SCAMP2: variants seen among roughly 807,000 people sequenced by gnomAD.
SCAMP2 encodes secretory carrier membrane protein 2.
A neutral mutation model predicts 44.1 loss-of-function variants in SCAMP2; 25 were observed. The ratio of observed to expected loss-of-function variants is 0.57; its 90% CI spans 0.41 to 0.79. SCAMP2 has a LOEUF of 0.79. Ranked by LOEUF, SCAMP2 falls within the 30% of genes least tolerant of loss-of-function variation. The pLI is 0.00. For missense variants in SCAMP2, 355 were observed against 411.0 expected, an observed-to-expected ratio of 0.86 and a Z score of 1.18; for synonymous variants, 156 against 166.0, an observed-to-expected ratio of 0.94 and a Z score of 0.46.
chr15:74,853,385 T>C (rs1466385528), intron 3 of SCAMP2: 1 of 456,358 alleles, frequency 2.2e-6, no homozygotes, highest in Non-Finnish European at 4.4e-6. Context: ...AGCTTTCGCA[T>C]GTAGCTGTCT....
chr15:74,862,631 A>G (rs1333230090), intron 1 of SCAMP2, among the ~76,000 whole-genome samples: 1 of 151,534 alleles, frequency 6.6e-6, no homozygotes, highest in African/African-American at 2.4e-5. Flanking sequence ...AATATGGAAG[A>G]CTTATTTTCT....
At chr15:74,852,921 C>T (rs2064444693) in intron 3 of SCAMP2, 1 of 156,478 alleles carries the variant, frequency 6.4e-6, no homozygotes. Flanking sequence ...CGGGGCCCTG[C>T]ACCTGCTGGC....
chr15:74,863,296 G>A (rs1280512086), intron 1 of SCAMP2, among the ~76,000 whole-genome samples: 3 of 150,636 alleles, frequency 2.0e-5, no homozygotes, highest in African/African-American at 7.3e-5. Flanking sequence ...GCAGTGAGTC[G>A]AGATCACTCC....
chr15:74,846,060 A>T (rs1027257357), intron 7 of SCAMP2, among the ~76,000 whole-genome samples: 1 of 152,182 alleles, frequency 6.6e-6, no homozygotes, highest in Non-Finnish European at 1.5e-5. Flanking sequence ...AGGAAGGCAG[A>T]TCACTTGAGG....
intron 6 of SCAMP2, 120 bp downstream of exon 6, chr15:74,850,394 G>C (rs2064427348): frequency 1.3e-5 from 13 of 974,888 alleles, no homozygotes; most frequent in Non-Finnish European, 2.0e-5. Flanking sequence ...TAGGGAAAGT[G>C]GATTTCCCTA....
intron 1 of SCAMP2, chr15:74,872,939 T>TC: frequency 2.3e-6 from 1 of 437,590 alleles, no homozygotes; most frequent in South Asian, 4.6e-5. Flanking sequence ...CCAGTCCCCT[T>TC]CCCTAGCACA....
Position 74,853,092 on chromosome 15 carries a change from C to G in SCAMP2, c.226-906G>C, listed in dbSNP as rs575780052. The G allele has an allele frequency of 8.7e-4, 256 of 293,354 alleles. 2 individuals are homozygous for G. Among genetic ancestry groups the G allele is most frequent in the Non-Finnish European group, 1.2e-3 (173 of 144,898 alleles). 18.2% of individuals were successfully genotyped at this position (293,354 alleles called of 1,614,324 possible). ...ACCTCTCCAAAAGCTCTTCAAAGAC[C>G]TAAGGCTGACGTGGAGAGCCAAGTT... On this transcript the variant is annotated intron_variant, in intron 3 of 8. Transcript: ENST00000268099.
intron 1 of SCAMP2, among the ~76,000 whole-genome samples, chr15:74,866,045 G>GGAAAA (rs1371586588): frequency 7.2e-6 from 1 of 139,852 alleles, no homozygotes. Context: ...GGGGAGGGGA[G>GGAAAA]GAAAAGAAAA....
intron 4 of SCAMP2, 144 bp from the exon 5 acceptor site, chr15:74,851,625 T>C: frequency 2.0e-6 from 2 of 990,008 alleles, no homozygotes; most frequent in Non-Finnish European, 1.5e-6. Flanking sequence ...GCATGGAGCA[T>C]GGAGTGGGAC....
intron 1 of SCAMP2, among the ~76,000 whole-genome samples, chr15:74,867,680 G>A (rs554631864): frequency 1.6e-4 from 25 of 152,318 alleles, no homozygotes; most frequent in Admixed American, 1.3e-3. Flanking sequence ...CCCAAATCAC[G>A]TTTCTGCCAC....
intron 1 of SCAMP2, among the ~76,000 whole-genome samples, chr15:74,869,333 TA>T (rs1226901025): frequency 6.6e-6 from 1 of 151,204 alleles, no homozygotes; most frequent in African/African-American, 2.4e-5. Flanking sequence ...TAATAAAAAA[TA>T]AAAAAATTAA....
rs1567248088 is a variant in SCAMP2, at chr15:74,846,140, C to T, written c.735-547G>A. Among the ~76,000 whole-genome samples, 7 of 152,026 alleles carry T rather than the reference C, an allele frequency of 4.6e-5. No homozygotes were observed. The East Asian group carries it at 7.7e-4, about 17-fold the overall frequency. On this transcript the variant is annotated intron_variant, in intron 7 of 8. Transcript: ENST00000268099. Reference sequence around the variant, plus strand: ...CTACTAAAAATACAAAAATTAGCTGCGCGTGGTTGCACACGCCTGCAATCC... The same window carrying T: ...CTACTAAAAATACAAAAATTAGCTGTGCGTGGTTGCACACGCCTGCAATCC...
chr15:74,854,198 G>A (rs2064453637), intron 2 of SCAMP2, 79 bp from the exon 3 acceptor site: 1 of 1,250,984 alleles, frequency 8.0e-7, no homozygotes, highest in East Asian at 2.3e-5. Flanking sequence ...ACAGCAGGAT[G>A]AGTGATGTGC....
At chr15:74,854,975 T>A (rs1414493359) in intron 1 of SCAMP2, among the ~76,000 whole-genome samples, 1 of 127,910 alleles carries the variant, frequency 7.8e-6, no homozygotes, top group East Asian at 2.0e-4. Flanking sequence ...AGGGAGTGGG[T>A]TTTTTTTTTT....
chr15:74,868,146 A>G (rs2064554561), intron 1 of SCAMP2, among the ~76,000 whole-genome samples: 1 of 152,252 alleles, frequency 6.6e-6, no homozygotes. Context: ...GTGCCAGTGG[A>G]GGCTGTGAAA....
chr15:74,854,559 G>C, intron 2 of SCAMP2, 22 bp downstream of exon 2: 7 of 1,581,620 alleles, frequency 4.4e-6, no homozygotes, highest in Non-Finnish European at 6.0e-6. Context: ...ATGGGACTTG[G>C]AAAGAGGGCC....
At chr15:74,869,653 C>T (rs1238055379) in intron 1 of SCAMP2, among the ~76,000 whole-genome samples, 1 of 152,170 alleles carries the variant, frequency 6.6e-6, no homozygotes, top group Non-Finnish European at 1.5e-5. Context: ...TCTTGGTTTC[C>T]TCATCTCTAA....
chr15:74,853,368 C>T (rs1225782778), intron 3 of SCAMP2: 2 of 456,148 alleles, frequency 4.4e-6, no homozygotes, highest in South Asian at 3.1e-5. Flanking sequence ...TTAGGCCTAC[C>T]TTCGGAAGCT....
chr15:74,871,409 C>A (rs1483088964), intron 1 of SCAMP2, among the ~76,000 whole-genome samples: 1 of 151,980 alleles, frequency 6.6e-6, no homozygotes, highest in East Asian at 1.9e-4. Context: ...GCTGCCATGA[C>A]CTCCACTGTG....
Sources: allele counts gnomAD v4.1 joint callset (sites outside exome capture counted in the v4.1 genomes callset), GRCh38; gene constraint gnomAD v4.1.1; transcripts MANE v1.5; gene names NCBI Gene and HGNC (gene_info 2026-07-23, HGNC 2026-07-21).